Variants in CNTN4 observed in about 807,000 individuals in gnomAD.
CNTN4 encodes the protein contactin 4, also known as contactin-4.
In CNTN4, 77 loss-of-function variants were observed where a neutral mutation model predicts 122.5. That is an observed-to-expected ratio of 0.63 (90% CI 0.52 to 0.76). The LOEUF is 0.76. CNTN4 is among the 30% of genes least tolerant of loss of function. The probability of loss-of-function intolerance (pLI) is 0.00; values close to 1 mark genes in which losing one functional copy is unlikely to be tolerated. For missense variants in CNTN4, 1,256 were observed against 1,259.1 expected (o/e 1.00, Z 0.04); for synonymous variants, 512 against 447.0 (o/e 1.15, Z -1.83).
intron 2 of CNTN4, among the ~76,000 whole-genome samples, chr3:2,336,129 G>A (rs1463490889): frequency 6.6e-6 from 1 of 152,094 alleles, no homozygotes; most frequent in Non-Finnish European, 1.5e-5. Flanking sequence ...ATCCATTACG[G>A]TCCTGAGAGG....
At chr3:2,792,328 C>T (rs1160491571) in intron 6 of CNTN4, among the ~76,000 whole-genome samples, 4 of 152,110 alleles carry the variant, frequency 2.6e-5, no homozygotes, top group South Asian at 4.1e-4. Context: ...CAACAATCTT[C>T]GTGATAATGG....
At chr3:2,673,564 G>C (rs970560695) in intron 4 of CNTN4, among the ~76,000 whole-genome samples, 1 of 151,972 alleles carries the variant, frequency 6.6e-6, no homozygotes, top group African/African-American at 2.4e-5. Flanking sequence ...GTTTCGAGGT[G>C]GTGTCTCATT....
intron 2 of CNTN4, among the ~76,000 whole-genome samples, chr3:2,291,679 G>A (rs1175379631): frequency 6.6e-6 from 1 of 151,914 alleles, no homozygotes; most frequent in Non-Finnish European, 1.5e-5. Context: ...TGAGTTTTAA[G>A]TGGCTTATTT....
At chr3:2,192,853 T>A (rs957548039) in intron 2 of CNTN4, among the ~76,000 whole-genome samples, 8 of 152,128 alleles carry the variant, frequency 5.3e-5, no homozygotes. Flanking sequence ...GTCAAACATT[T>A]GTTGTTGTCA....
At chr3:2,464,999 A>T (rs2075445499) in intron 3 of CNTN4, among the ~76,000 whole-genome samples, 1 of 152,194 alleles carries the variant, frequency 6.6e-6, no homozygotes, top group Admixed American at 6.5e-5. Flanking sequence ...TATACTAAGC[A>T]CAGAGTTTCT....
chr3:2,740,386 T>C (rs1280572183), intron 5 of CNTN4, among the ~76,000 whole-genome samples: 1 of 152,010 alleles, frequency 6.6e-6, no homozygotes, highest in Non-Finnish European at 1.5e-5. Flanking sequence ...TAAAAGTCAG[T>C]ATGCCAGAGC....
chr3:2,705,637 T>C (rs190271685), intron 4 of CNTN4, among the ~76,000 whole-genome samples: 5,068 of 66,974 alleles, frequency 0.076, 167 homozygotes, highest in South Asian at 0.13. Flanking sequence ...TAAATATATA[T>C]ATTATATATA....
rs1437034711 is a variant in CNTN4 at position 2,882,768 on chromosome 3, A to G, written c.653-377A>G. On this transcript the variant is annotated intron_variant, in intron 8 of 24. Coordinates refer to ENST00000418658, the MANE Select transcript of CNTN4 (RefSeq NM_175607.3). ...CATGCAGGTATTTTTGAGTACTTTT[A>G]TTAATAAATCTTACAAATTTTTCTG... The G allele has an allele frequency of 1.9e-5, 4 of 212,182 alleles. No homozygotes were observed. The South Asian group carries it at 2.9e-4, about 16-fold the overall frequency. The allele number at this position is 212,182 out of a possible 1,614,324, so 13.1% of individuals were successfully genotyped here.
chr3:2,497,066 A>G (rs762499695), intron 3 of CNTN4, among the ~76,000 whole-genome samples: 1 of 152,164 alleles, frequency 6.6e-6, no homozygotes, highest in African/African-American at 2.4e-5. Context: ...AGGGCAGATT[A>G]TCTGTACTTT....
chr3:2,802,573 G>A (rs943750125), intron 6 of CNTN4, among the ~76,000 whole-genome samples: 3 of 152,200 alleles, frequency 2.0e-5, no homozygotes, highest in African/African-American at 7.2e-5. Flanking sequence ...TCAGCATTAT[G>A]TATTAAATAC....
intron 4 of CNTN4, among the ~76,000 whole-genome samples, chr3:2,644,822 C>T (rs182742985): frequency 8.9e-5 from 13 of 146,882 alleles, no homozygotes; most frequent in South Asian, 2.2e-4. Flanking sequence ...TAGAGATAAA[C>T]GCAGTGACTC....
chr3:2,541,380 C>T (rs187250772), intron 3 of CNTN4, among the ~76,000 whole-genome samples: 18 of 152,188 alleles, frequency 1.2e-4, no homozygotes, highest in Admixed American at 1.2e-3. Flanking sequence ...AACAGATCCT[C>T]TCAGTGTACT....
intron 13 of CNTN4, among the ~76,000 whole-genome samples, chr3:2,968,669 A>G (rs1459255641): frequency 6.6e-6 from 1 of 152,216 alleles, no homozygotes; most frequent in Non-Finnish European, 1.5e-5. Context: ...ACTTGTTTAC[A>G]GCCTCTCTGA....
intron 2 of CNTN4, among the ~76,000 whole-genome samples, chr3:2,216,189 G>A (rs2038833566): frequency 6.6e-6 from 1 of 152,162 alleles, no homozygotes; most frequent in Non-Finnish European, 1.5e-5. Context: ...TATACACCAC[G>A]AAACACTATG....
intron 2 of CNTN4, among the ~76,000 whole-genome samples, chr3:2,145,928 T>A (rs1187752775): frequency 7.0e-6 from 1 of 143,238 alleles, no homozygotes; most frequent in Non-Finnish European, 1.5e-5. Context: ...CTGTAATTAC[T>A]ACACTGGAAT....
chr3:2,898,548 T>A (rs997158060), intron 10 of CNTN4, among the ~76,000 whole-genome samples: 2 of 152,222 alleles, frequency 1.3e-5, no homozygotes, highest in Non-Finnish European at 2.9e-5. Flanking sequence ...CCTCACCTGC[T>A]TCTTGAGATT....
intron 6 of CNTN4, among the ~76,000 whole-genome samples, chr3:2,747,304 G>A (rs2089832350): frequency 6.6e-6 from 1 of 151,664 alleles, no homozygotes; most frequent in Admixed American, 6.6e-5. Flanking sequence ...AGCTGCTCGG[G>A]AGGCTGAGGC....
rs1694827745 is a variant in CNTN4, at chr3:2,988,974, A to G, written c.1486+502A>G. 2.5e-5 allele frequency: 4 copies of G among 158,858 alleles called. No individual in the cohort carries two copies. The South Asian group carries it at 7.2e-4, about 29-fold the overall frequency. 9.8% of individuals were successfully genotyped at this position (158,858 alleles called of 1,614,324 possible). A position where few individuals can be genotyped will look rare whatever the true frequency, so the allele number is the denominator to read the frequency against. ...ATCACCTCTATGCTTTGCCTTAGTC[A>G]CCCAGCCAACCTTGTCAGTTTTAAG... is the stretch of plus-strand genomic sequence containing the variant. On this transcript the variant is annotated intron_variant, in intron 14 of 24. Coordinates refer to ENST00000418658, the MANE Select transcript of CNTN4 (RefSeq NM_175607.3).
At chr3:2,853,510 T>G (rs2093581660) in intron 7 of CNTN4, among the ~76,000 whole-genome samples, 1 of 152,190 alleles carries the variant, frequency 6.6e-6, no homozygotes, top group African/African-American at 2.4e-5. Context: ...CCCAAAGTGC[T>G]AGGATTGCAG....
Sources: allele counts gnomAD v4.1 joint callset (sites outside exome capture counted in the v4.1 genomes callset), GRCh38; gene constraint gnomAD v4.1.1; transcripts MANE v1.5; gene names NCBI Gene and HGNC (gene_info 2026-07-23, HGNC 2026-07-21).